The following CCDC91 variants were observed in gnomAD, a reference collection of about 807,000 sequenced individuals.
CCDC91 encodes the protein coiled-coil domain containing 91.
CCDC91 carries 48 observed loss-of-function variants against 63.2 expected under a neutral mutation model. That is an observed-to-expected ratio of 0.76 (90% confidence interval 0.60 to 0.97). The LOEUF (loss-of-function observed/expected upper bound fraction) is 0.97. Among genes scored for constraint, CCDC91 ranks in the 50% least tolerant of loss-of-function variants. The pLI, the probability that CCDC91 is intolerant of heterozygous loss-of-function variation, is 0.00. For missense variants in CCDC91, 500 were observed against 494.6 expected, an observed-to-expected ratio of 1.01 and a Z score of -0.10; for synonymous variants, 167 against 165.8, an observed-to-expected ratio of 1.01 and a Z score of -0.06.
rs186265773 is a variant in CCDC91, at chr12:28,340,315, T to A, written c.577-22123T>A. 2.1e-3 allele frequency among the ~76,000 whole-genome samples: 324 copies of A among 152,314 alleles called. 2 individuals carry two copies. The highest frequency in any genetic ancestry group is 7.4e-3 in the African/African-American group (306 of 41,568). Reference sequence around the variant, plus strand: ...CATGGAAGACAGCTGTATTCTCTTATCTCCTTGTTTATTCAGTCTTTGGTG... The same window carrying A: ...CATGGAAGACAGCTGTATTCTCTTAACTCCTTGTTTATTCAGTCTTTGGTG... On this transcript the variant is annotated intron_variant, in intron 6 of 12. Transcript: ENST00000536442.
chr12:28,424,037 C>T (rs1306382834), intron 8 of CCDC91, among the ~76,000 whole-genome samples: 9 of 152,096 alleles, frequency 5.9e-5, no homozygotes, highest in African/African-American at 1.9e-4. Flanking sequence ...GAGTGACTCT[C>T]CCACCTCAGC....
intron 11 of CCDC91, among the ~76,000 whole-genome samples, chr12:28,466,670 G>A (rs1230844325): frequency 6.6e-6 from 1 of 152,036 alleles, no homozygotes; most frequent in East Asian, 1.9e-4. Flanking sequence ...CAAAAGCTAT[G>A]GGATTTTATC....
In CCDC91 at chr12:28,466,490, A is replaced by G. The variant is rs551247549; in HGVS notation, c.1101+13836A>G. On this transcript the variant is annotated intron_variant, in intron 11 of 12. Transcript: ENST00000536442. Reference sequence around the variant, plus strand: ...AAGCGAGAATAAGCAAATAACATATAATGGAGCTCCAATATGTCTGGCAGC... The same window carrying G: ...AAGCGAGAATAAGCAAATAACATATGATGGAGCTCCAATATGTCTGGCAGC... 9.3e-4 allele frequency among the ~76,000 whole-genome samples: 141 copies of G among 152,286 alleles called. 1 individual carries two copies. The highest frequency in any genetic ancestry group is 3.1e-3 in the Admixed American group (47 of 15,286).
chr12:28,524,591 A>G (rs1448188060), intron 12 of CCDC91, among the ~76,000 whole-genome samples: 1 of 151,924 alleles, frequency 6.6e-6, no homozygotes, highest in Non-Finnish European at 1.5e-5. Context: ...CCTGATTTAG[A>G]TATTAGGGTG....
chr12:28,240,241 T>C (rs1945245075), intron 1 of CCDC91, among the ~76,000 whole-genome samples: 1 of 152,194 alleles, frequency 6.6e-6, no homozygotes, highest in South Asian at 2.1e-4. Flanking sequence ...GCATGTTTTC[T>C]ACCGTTTTCA....
chr12:28,538,694 A>T (rs1170209813), intron 12 of CCDC91, among the ~76,000 whole-genome samples: 1 of 152,174 alleles, frequency 6.6e-6, no homozygotes, highest in Admixed American at 6.5e-5. Flanking sequence ...TGACTTCCAC[A>T]ATGGTTGAAC....
intron 3 of CCDC91, among the ~76,000 whole-genome samples, chr12:28,285,925 A>G (rs1368735698): frequency 6.6e-6 from 1 of 152,052 alleles, no homozygotes; most frequent in Non-Finnish European, 1.5e-5. Flanking sequence ...ATTATTTATC[A>G]TAAAACTTTT....
intron 11 of CCDC91, among the ~76,000 whole-genome samples, chr12:28,453,024 A>C (rs1026401096): frequency 1.3e-5 from 2 of 151,902 alleles, no homozygotes; most frequent in African/African-American, 4.8e-5. Context: ...AATACAAAAT[A>C]ATATATTTGT....
intron 3 of CCDC91, among the ~76,000 whole-genome samples, chr12:28,298,786 A>G (rs1470992397): frequency 6.6e-6 from 1 of 150,754 alleles, no homozygotes; most frequent in Non-Finnish European, 1.5e-5. Flanking sequence ...GCACATATAT[A>G]TATATATAAG....
intron 2 of CCDC91, among the ~76,000 whole-genome samples, chr12:28,257,674 G>A (rs1464287482): frequency 6.6e-6 from 1 of 152,066 alleles, no homozygotes; most frequent in African/African-American, 2.4e-5. Flanking sequence ...CCTTTTGGTG[G>A]TTATAAAGTT....
chr12:28,199,719 T>G (rs1327426799), intron 1 of CCDC91, among the ~76,000 whole-genome samples: 1 of 152,230 alleles, frequency 6.6e-6, no homozygotes, highest in Non-Finnish European at 1.5e-5. Context: ...AGAATTAGAA[T>G]TCTTAGTTGG....
chr12:28,473,723 C>T (rs1307645074), intron 11 of CCDC91, among the ~76,000 whole-genome samples: 11 of 152,106 alleles, frequency 7.2e-5, no homozygotes, highest in Non-Finnish European at 1.5e-4. Context: ...AAGAAAACTA[C>T]TCAAAAATCA....
intron 6 of CCDC91, among the ~76,000 whole-genome samples, chr12:28,339,190 A>G (rs1317422813): frequency 6.6e-6 from 1 of 152,162 alleles, no homozygotes; most frequent in Admixed American, 6.6e-5. Context: ...TTTCTGTCAG[A>G]CTAACGTGAA....
chr12:28,318,625 C>T (rs868262478), intron 6 of CCDC91, among the ~76,000 whole-genome samples: 1 of 151,784 alleles, frequency 6.6e-6, no homozygotes, highest in Non-Finnish European at 1.5e-5. Context: ...CAAAAAATGC[C>T]AAGAATTGGA....
At chr12:28,479,619 T>C (rs933496258) in intron 11 of CCDC91, among the ~76,000 whole-genome samples, 6 of 151,862 alleles carry the variant, frequency 4.0e-5, no homozygotes, top group Non-Finnish European at 5.9e-5. Flanking sequence ...ATAATAAAAA[T>C]ATATAAAAAA....
intron 3 of CCDC91, among the ~76,000 whole-genome samples, chr12:28,302,179 A>G (rs1938144515): frequency 6.6e-6 from 1 of 151,952 alleles, no homozygotes; most frequent in Non-Finnish European, 1.5e-5. Context: ...TATCCCATAT[A>G]TTGTTATGCA....
intron 8 of CCDC91, among the ~76,000 whole-genome samples, chr12:28,417,408 T>C (rs558751195): frequency 2.5e-4 from 38 of 152,242 alleles, no homozygotes; most frequent in African/African-American, 8.7e-4. Flanking sequence ...GTAACCAGTC[T>C]TATTCCCCAT....
intron 3 of CCDC91, among the ~76,000 whole-genome samples, chr12:28,295,491 A>G (rs969049452): frequency 1.3e-5 from 2 of 152,198 alleles, no homozygotes; most frequent in Non-Finnish European, 1.5e-5. Context: ...AAGTCGTTCC[A>G]TGACATCTGA....
At chr12:28,498,479 G>A (rs1202431586) in intron 12 of CCDC91, among the ~76,000 whole-genome samples, 1 of 151,612 alleles carries the variant, frequency 6.6e-6, no homozygotes, top group African/African-American at 2.4e-5. Flanking sequence ...CAAGTCCAAG[G>A]TCAAGAAGCA....
Sources: allele counts gnomAD v4.1 joint callset (sites outside exome capture counted in the v4.1 genomes callset), GRCh38; gene constraint gnomAD v4.1.1; transcripts MANE v1.5; gene names NCBI Gene and HGNC (gene_info 2026-07-23, HGNC 2026-07-21).